The following DYSF variants were observed in gnomAD, a reference collection of about 807,000 sequenced individuals.
DYSF encodes the protein dystrophy-associated fer-1-like 1.
DYSF carries 212 observed loss-of-function variants against 274.9 expected under a neutral mutation model. The observed-to-expected ratio is 0.77, with a 90% CI of 0.69 to 0.86. The LOEUF is 0.86. DYSF is among the 40% of genes least tolerant of loss of function. The pLI is 0.00. For synonymous variants in DYSF, 1,091 were observed against 1,078.7 expected (o/e 1.01, Z -0.22); for missense variants, 2,666 against 2,783.2 (o/e 0.96, Z 0.95).
intron 14 of DYSF, among the ~76,000 whole-genome samples, chr2:71,531,948 G>T (rs932757364): frequency 6.6e-6 from 1 of 152,134 alleles, no homozygotes; most frequent in Admixed American, 6.5e-5. Context: ...AGGCTGCCAG[G>T]AATTTAACCC....
intron 30 of DYSF, among the ~76,000 whole-genome samples, chr2:71,588,380 G>A (rs2093144383): frequency 6.6e-6 from 1 of 152,170 alleles, no homozygotes; most frequent in Non-Finnish European, 1.5e-5. Flanking sequence ...TTGGACAAGG[G>A]GCTCTGGGAC....
intron 41 of DYSF, among the ~76,000 whole-genome samples, chr2:71,639,040 T>A (rs1379278341): frequency 6.6e-6 from 1 of 152,232 alleles, no homozygotes; most frequent in Non-Finnish European, 1.5e-5. Context: ...TGTGAAGTGG[T>A]TTCTCATTGA....
intron 41 of DYSF, 133 bp from the exon 42 acceptor site, chr2:71,643,832 C>T (rs2094524818): frequency 1.4e-6 from 1 of 733,638 alleles, no homozygotes. Context: ...CCTCTCTCTG[C>T]TCCCCCACAT....
intron 30 of DYSF, among the ~76,000 whole-genome samples, chr2:71,586,923 G>C (rs551077092): frequency 2.6e-5 from 4 of 152,298 alleles, no homozygotes; most frequent in African/African-American, 9.6e-5. Flanking sequence ...CCTGCCTGCA[G>C]CTGAGTCCAC....
At position 71,668,694 on chromosome 2, in the gene DYSF, T is replaced by A. The variant is rs2095062157; in HGVS notation, c.5458-60T>A. The A allele has an allele frequency of 1.4e-5, 21 of 1,536,444 alleles. No homozygotes were observed. In the South Asian group the frequency reaches 1.8e-4, roughly 13 times the overall value. On this transcript the variant is annotated intron_variant, in intron 48 of 55. Coordinates refer to ENST00000410020, the MANE Select transcript of DYSF (RefSeq NM_001130987.2). The stretch of plus-strand genomic sequence containing the variant: ...CCCTCAGCATCTGGCCCAGAGCAGG[T>A]GCTTGGTAACAGCTGGTTAAATGAG...
chr2:71,639,896 A>G (rs1207616103), intron 41 of DYSF, among the ~76,000 whole-genome samples: 1 of 152,234 alleles, frequency 6.6e-6, no homozygotes, highest in East Asian at 1.9e-4. Context: ...CTATGCAACA[A>G]CAGCAATATT....
intron 47 of DYSF, among the ~76,000 whole-genome samples, chr2:71,666,387 T>C (rs1322921538): frequency 6.6e-6 from 1 of 152,250 alleles, no homozygotes; most frequent in East Asian, 1.9e-4. Flanking sequence ...CCTGGCCCTG[T>C]GTGCCTTCTG....
rs11892774 is a variant in DYSF at position 71,658,730 on chromosome 2, C to A, written c.4756-148C>A. 1.6e-3 allele frequency: 1,412 copies of A among 883,458 alleles called. 12 individuals carry two copies. The African/African-American group carries it at 0.022, about 14-fold the overall frequency. 54.7% of individuals were successfully genotyped at this position (883,458 alleles called of 1,614,324 possible). ...AGAATAGCATGGGAAAGACTGGCCC[C>A]CATGATTCAATTATCTCCTCCTGGG... On this transcript the variant is annotated intron_variant, in intron 43 of 55. Coordinates refer to ENST00000410020, the MANE Select transcript of DYSF (RefSeq NM_001130987.2).
intron 45 of DYSF, among the ~76,000 whole-genome samples, chr2:71,661,032 C>G (rs898875782): frequency 5.3e-5 from 8 of 150,714 alleles, no homozygotes; most frequent in Admixed American, 4.6e-4. Flanking sequence ...TGGGAGGATC[C>G]CTTGAGCCTA....
At chr2:71,632,163 C>T (rs1182203158) in intron 41 of DYSF, among the ~76,000 whole-genome samples, 1 of 152,216 alleles carries the variant, frequency 6.6e-6, no homozygotes, top group East Asian at 1.9e-4. Context: ...TATGCACTGG[C>T]TACTCCCTAG....
chr2:71,673,121 C>T (rs1456951907), intron 51 of DYSF, among the ~76,000 whole-genome samples: 4 of 152,148 alleles, frequency 2.6e-5, no homozygotes, highest in South Asian at 2.1e-4. Context: ...TGCTCTGACC[C>T]GGCACTCAGG....
chr2:71,551,534 C>A, intron 18 of DYSF, 73 bp from the exon 19 acceptor site: 1 of 1,319,158 alleles, frequency 7.6e-7, no homozygotes, highest in Non-Finnish European at 1.1e-6. Flanking sequence ...TACCTCAGGG[C>A]CAGAGGGTGC....
intron 1 of DYSF, among the ~76,000 whole-genome samples, chr2:71,474,754 C>T (rs2152665915): frequency 6.6e-6 from 1 of 152,284 alleles, no homozygotes; most frequent in East Asian, 1.9e-4. Context: ...TCCTCATCTA[C>T]AGGGAAGGTA....
intron 40 of DYSF, among the ~76,000 whole-genome samples, chr2:71,617,913 T>TGGG (rs1393797550): frequency 1.7e-4 from 4 of 24,224 alleles, no homozygotes; most frequent in Admixed American, 5.5e-4. Context: ...GTGGTAGAGG[T>TGGG]GTGTGTGTGT....
chr2:71,526,602 AC>A (rs1214047984), intron 13 of DYSF, among the ~76,000 whole-genome samples: 2 of 152,198 alleles, frequency 1.3e-5, no homozygotes, highest in African/African-American at 4.8e-5. Context: ...CACTCTGTGG[AC>A]CCATTTTCTT....
Position 71,601,345 on chromosome 2 carries a change from G to A in DYSF, c.3898-154G>A, listed in dbSNP as rs547906944. Reference sequence around the variant, plus strand: ...CTGGGTGAAGTGTCTGGAGGAATGGGCACAGTGCCAGCCTAGCATCCCTTC... The same window carrying A: ...CTGGGTGAAGTGTCTGGAGGAATGGACACAGTGCCAGCCTAGCATCCCTTC... On this transcript the variant is annotated intron_variant, in intron 34 of 55. Transcript: ENST00000410020. 81 of 978,110 alleles carry A rather than the reference G, an allele frequency of 8.3e-5. 1 individual carries two copies. The highest frequency in any genetic ancestry group is 6.5e-6 in the Non-Finnish European group (4 of 611,664). The allele number at this position is 978,110 out of a possible 1,614,324, so 60.6% of individuals were successfully genotyped here.
intron 36 of DYSF, among the ~76,000 whole-genome samples, chr2:71,604,218 C>G (rs980520398): frequency 1.3e-5 from 2 of 152,126 alleles, no homozygotes; most frequent in African/African-American, 4.8e-5. Flanking sequence ...CAGGGGATAG[C>G]CCTGGGACCC....
intron 42 of DYSF, among the ~76,000 whole-genome samples, chr2:71,655,698 C>T (rs1460788190): frequency 6.6e-6 from 1 of 152,208 alleles, no homozygotes; most frequent in East Asian, 1.9e-4. Context: ...AAATGCTGAC[C>T]TGTTAATTTT....
At chr2:71,536,228 C>T (rs80334341) in intron 16 of DYSF, among the ~76,000 whole-genome samples, 3,055 of 152,244 alleles carry the variant, frequency 0.02, 51 homozygotes, top group African/African-American at 0.048. Flanking sequence ...GGTTCCCCAG[C>T]GTGTTCTCCT....
Sources: allele counts gnomAD v4.1 joint callset (sites outside exome capture counted in the v4.1 genomes callset), GRCh38; gene constraint gnomAD v4.1.1; transcripts MANE v1.5; gene names NCBI Gene and HGNC (gene_info 2026-07-23, HGNC 2026-07-21).